ALKBH1: variants seen among roughly 807,000 people sequenced by gnomAD.
ALKBH1 encodes the protein alkB homolog 1, histone H2A dioxygenase.
A neutral mutation model predicts 36.6 loss-of-function variants in ALKBH1; 31 were observed. That is an observed-to-expected ratio of 0.85 (90% confidence interval 0.64 to 1.14). ALKBH1 has a LOEUF of 1.14. Among genes scored for constraint, ALKBH1 ranks in the 50% most tolerant of loss-of-function variants. The pLI, the probability that ALKBH1 is intolerant of heterozygous loss-of-function variation, is 0.00. For synonymous variants in ALKBH1, 183 were observed against 186.6 expected (o/e 0.98, Z 0.16); for missense variants, 490 against 497.3 (o/e 0.99, Z 0.14).
Position 77,697,697 on chromosome 14 carries a change from T to TAAAAAAA in ALKBH1, c.293-2804_293-2798dup, listed in dbSNP as rs57516221. Among the ~76,000 whole-genome samples the TAAAAAAA allele has an allele frequency of 5.7e-5, 6 of 104,892 alleles. 1 individual carries two copies. Among genetic ancestry groups the TAAAAAAA allele is most frequent in the East Asian group, 5.9e-4 (2 of 3,388 alleles). 68.8% of individuals were successfully genotyped at this position (104,892 alleles called of 152,430 possible). ...TTACAAATAAAATCATTTGCTGTAA[T>TAAAAAAA]AAAAAAAAAAAAAAAAAAAAAGAAT... On this transcript the variant is annotated intron_variant, in intron 2 of 5. Transcript: ENST00000216489.
chr14:77,678,883 T>C (rs547675006), intron 4 of ALKBH1, among the ~76,000 whole-genome samples: 17 of 152,260 alleles, frequency 1.1e-4, no homozygotes, highest in African/African-American at 3.9e-4. Flanking sequence ...TGGTGCGATC[T>C]TGGCTCACTG....
chr14:77,674,185 G>C lies in ALKBH1; in HGVS notation c.797C>G (p.Thr266Arg). 6.2e-7 allele frequency: 1 copy of C among 1,613,916 alleles called. No individual in the cohort carries two copies. Among genetic ancestry groups the C allele is most frequent in the Non-Finnish European group, 8.5e-7 (1 of 1,179,884 alleles). ...LGGLQRDEAP[T>R]AMFMHSGDIM... ...GTCACCACTGTGCATAAACATGGCC[G>C]TGGGGGCCTCATCCCTTTGAAGACC... The change falls in exon 6 of 6, where the codon ACG becomes AGG. Residue 266 changes from threonine to arginine, a missense_variant. Physicochemically the swap from Thr to Arg is moderately conservative, Grantham distance 71 (BLOSUM62 -1). Transcript: ENST00000216489.
At position 77,676,838 on chromosome 14, in the gene ALKBH1, C is replaced by T. The variant is rs569585668; in HGVS notation, c.547-989G>A. Among the ~76,000 whole-genome samples, 9 of 152,256 alleles carry T rather than the reference C, an allele frequency of 5.9e-5. No individual in the cohort carries two copies. In the East Asian group the frequency reaches 1.7e-3, roughly 29 times the overall value. On this transcript the variant is annotated intron_variant, in intron 4 of 5. Transcript: ENST00000216489. ...TTGGACCTCTCAGCTTGCAACATGG[C>T]TTAGTGGCAATTTGACTGGTCAATC...
Position 77,674,073 on chromosome 14 carries a change from G to A in ALKBH1, c.909C>T (p.His303=). 1 of 1,614,180 alleles carries A rather than the reference G, an allele frequency of 6.2e-7. No homozygotes were observed. The highest frequency in any genetic ancestry group is 8.5e-7 in the Non-Finnish European group (1 of 1,180,040). Residue 303 remains histidine, a synonymous_variant, in exon 6 of 6, where the codon CAC becomes CAT. Transcript: ENST00000216489. ...LPNPEGEGLP[H]CLEAPLPAVL... ...CAGCAGGGAGAGGTGCCTCTAGGCA[G>A]TGAGGCAGGCCTTCCCCTTCTGGAT...
At chr14:77,692,743 A>C (rs1025692911) in intron 3 of ALKBH1, among the ~76,000 whole-genome samples, 4 of 151,964 alleles carry the variant, frequency 2.6e-5, no homozygotes, top group Admixed American at 6.6e-5. Context: ...CTAGCTACTT[A>C]AGTGACCATT....
chr14:77,680,186 C>A (rs373602379), intron 3 of ALKBH1, among the ~76,000 whole-genome samples: 2 of 151,874 alleles, frequency 1.3e-5, no homozygotes, highest in African/African-American at 4.8e-5. Context: ...GTTCTAAATC[C>A]TCTGCTGAAT....
At chr14:77,686,072 T>G (rs2040296117) in intron 3 of ALKBH1, among the ~76,000 whole-genome samples, 1 of 152,206 alleles carries the variant, frequency 6.6e-6, no homozygotes, top group Admixed American at 6.5e-5. Context: ...TCTTAATATC[T>G]GCCTTCAATA....
At chr14:77,688,117 C>T (rs899083503) in intron 3 of ALKBH1, among the ~76,000 whole-genome samples, 1 of 152,200 alleles carries the variant, frequency 6.6e-6, no homozygotes, top group Admixed American at 6.6e-5. Context: ...ACCCTCACTG[C>T]CATGTAGAAA....
intron 1 of ALKBH1, among the ~76,000 whole-genome samples, chr14:77,706,677 C>T (rs1328484493): frequency 1.3e-5 from 2 of 152,148 alleles, no homozygotes; most frequent in Non-Finnish European, 2.9e-5. Flanking sequence ...AAAGCATGTA[C>T]ATATTATGGT....
In ALKBH1 at chr14:77,707,782, C is replaced by T. The variant is rs1226931949; in HGVS notation, c.183+40G>A. ...ACGTAAGTCCCTCCAAGACGCGGGG[C>T]AAAGCGATGGAGAGACGCGCGCCAC... On this transcript the variant is annotated intron_variant, in intron 1 of 5. Coordinates refer to ENST00000216489, the MANE Select transcript of ALKBH1 (RefSeq NM_006020.3). 6.4e-6 allele frequency: 10 copies of T among 1,552,632 alleles called. No homozygotes were observed. The East Asian group carries it at 9.1e-5, about 14-fold the overall frequency.
At chr14:77,680,697 G>A (rs1171396370) in intron 3 of ALKBH1, among the ~76,000 whole-genome samples, 5 of 47,770 alleles carry the variant, frequency 1.0e-4, no homozygotes, top group South Asian at 5.7e-4. Flanking sequence ...TTTTTTTTTT[G>A]AGACAGAGTT....
Position 77,675,993 on chromosome 14 carries a change from CTTTTCT to C in ALKBH1, c.547-150_547-145del. The C allele has an allele frequency of 1.2e-5, 8 of 685,078 alleles. No individual in the cohort carries two copies. The South Asian group carries it at 1.6e-4, about 14-fold the overall frequency. The allele number at this position is 685,078 out of a possible 1,614,324, so 42.4% of individuals were successfully genotyped here. ...CACAGCATTATCTATCCATTCTTTT[CTTTTCT>C]TTTTTTTTTTTTTTAAAGACAGGGC... is the stretch of plus-strand genomic sequence containing the variant. On this transcript the variant is annotated intron_variant, in intron 4 of 5. Coordinates refer to ENST00000216489, the MANE Select transcript of ALKBH1 (RefSeq NM_006020.3).
chr14:77,680,677 C>CTCTCTTT (rs774703181), intron 3 of ALKBH1, among the ~76,000 whole-genome samples: 3 of 124,348 alleles, frequency 2.4e-5, no homozygotes, highest in African/African-American at 9.6e-5. Context: ...ATTAACTACT[C>CTCTCTTT]TTTTTTTTTT....
Position 77,672,407 on chromosome 14 carries a change from G to A in ALKBH1, c.*1405C>T, listed in dbSNP as rs2080180655. 1 of 151,976 alleles carries A rather than the reference G, an allele frequency of 6.6e-6. No individual in the cohort carries two copies. The highest frequency in any genetic ancestry group is 2.1e-4 in the South Asian group (1 of 4,822). The allele number at this position is 151,976 out of a possible 1,614,324, so 9.4% of individuals were successfully genotyped here. A position where few individuals can be genotyped will look rare whatever the true frequency, so the allele number is the denominator to read the frequency against. On this transcript the variant is annotated 3_prime_UTR_variant, in exon 6 of 6. Transcript: ENST00000216489. Reference sequence around the variant, plus strand: ...AACAAAGAACCTAGCTTACACATAAGAGATAAATCCATAATTTTTATTCAT... The same window carrying A: ...AACAAAGAACCTAGCTTACACATAAAAGATAAATCCATAATTTTTATTCAT...
chr14:77,677,742 T>C (rs368864533), intron 4 of ALKBH1, among the ~76,000 whole-genome samples: 335 of 152,302 alleles, frequency 2.2e-3, no homozygotes, highest in South Asian at 0.017. Context: ...GAACTGTAAA[T>C]TAGAAGAGTT....
intron 3 of ALKBH1, among the ~76,000 whole-genome samples, chr14:77,680,265 A>G (rs1179331437): frequency 6.6e-6 from 1 of 152,202 alleles, no homozygotes; most frequent in East Asian, 1.9e-4. Flanking sequence ...AACAATGACA[A>G]GAGAAATGTC....
chr14:77,677,569 C>T lies in ALKBH1; in HGVS notation c.547-1720G>A, dbSNP rs569330457. The stretch of plus-strand genomic sequence containing the variant: ...TACTTTTGTCTCATATCTCTACTAG[C>T]GTCTGAATATATTCTAGCTGAAGCA... On this transcript the variant is annotated intron_variant, in intron 4 of 5. Coordinates refer to ENST00000216489, the MANE Select transcript of ALKBH1 (RefSeq NM_006020.3). Among the ~76,000 whole-genome samples, 7 of 152,270 alleles carry T rather than the reference C, an allele frequency of 4.6e-5. No homozygotes were observed. In the South Asian group the frequency reaches 1.2e-3, roughly 27 times the overall value.
At chr14:77,705,411 G>GAAAAAAAAAAAAAA in intron 1 of ALKBH1, among the ~76,000 whole-genome samples, 1 of 113,394 alleles carries the variant, frequency 8.8e-6, no homozygotes, top group Non-Finnish European at 1.8e-5. Context: ...CTCCGTCTAA[G>GAAAAAAAAAAAAAA]AAAAAAAAAA....
chr14:77,683,565 GACA>G (rs1007181079), intron 3 of ALKBH1: 4 of 521,746 alleles, frequency 7.7e-6, no homozygotes, highest in African/African-American at 3.9e-5. Flanking sequence ...CCTTAATGTC[GACA>G]ACATCATCCT....
Sources: gnomAD v4.1 joint callset for allele counts (sites outside exome capture counted in the v4.1 genomes callset) on GRCh38, gnomAD v4.1.1 for gene constraint, MANE v1.5 for transcripts, NCBI Gene and HGNC (gene_info 2026-07-23, HGNC 2026-07-21) for gene names.